GAN: variants seen among roughly 807,000 people sequenced by gnomAD.
The protein encoded by GAN is gigaxonin.
In GAN, 48 loss-of-function variants were observed where a neutral mutation model predicts 71.3. The ratio of observed to expected loss-of-function variants is 0.67; its 90% CI spans 0.53 to 0.86. GAN has a LOEUF of 0.86. GAN is among the 40% of genes least tolerant of loss of function. GAN has a pLI of 0.00. For missense variants in GAN, 928 were observed against 770.1 expected (o/e 1.21, Z -2.43); for synonymous variants, 386 against 276.8 (o/e 1.39, Z -3.92).
intron 5 of GAN, among the ~76,000 whole-genome samples, chr16:81,360,540 A>T (rs1597404708): frequency 1.3e-5 from 2 of 149,152 alleles, no homozygotes; most frequent in Admixed American, 1.3e-4. Context: ...TTTTCTCCTT[A>T]ACTCTGATTA....
chr16:81,332,168 AAAAAAAAAGAAAAAG>A (rs1165123552), intron 1 of GAN, among the ~76,000 whole-genome samples: 1 of 151,966 alleles, frequency 6.6e-6, no homozygotes, highest in Non-Finnish European at 1.5e-5. Flanking sequence ...TCTCAAAAAA[AAAAAAAAAGAAAAAG>A]AAAAAAAAGA....
At chr16:81,359,786 A>G (rs1273346507) in intron 5 of GAN, among the ~76,000 whole-genome samples, 1 of 152,226 alleles carries the variant, frequency 6.6e-6, no homozygotes, top group Non-Finnish European at 1.5e-5. Flanking sequence ...TACCCATGAT[A>G]AAGTTTAAGT....
At chr16:81,353,695 C>A (rs16955138) in intron 2 of GAN, among the ~76,000 whole-genome samples, 1 of 151,962 alleles carries the variant, frequency 6.6e-6, no homozygotes, top group African/African-American at 2.4e-5. Flanking sequence ...AGAACTGTTT[C>A]TTTCCTGATG....
chr16:81,329,166 T>C (rs1055524481), intron 1 of GAN, among the ~76,000 whole-genome samples: 7 of 152,162 alleles, frequency 4.6e-5, no homozygotes, highest in Non-Finnish European at 7.4e-5. Flanking sequence ...TCTCCTGTTG[T>C]TTGTTCTCTT....
chr16:81,332,594 C>G (rs1445126092), intron 1 of GAN, among the ~76,000 whole-genome samples: 4 of 152,208 alleles, frequency 2.6e-5, no homozygotes, highest in Non-Finnish European at 5.9e-5. Context: ...TGTGACCACT[C>G]TCTCCCAAGA....
chr16:81,335,222 G>A (rs79397331), intron 1 of GAN, among the ~76,000 whole-genome samples: 3,168 of 152,048 alleles, frequency 0.021, 59 homozygotes, highest in East Asian at 0.082. Context: ...GCATATGCTT[G>A]AACTGGATTT....
chr16:81,367,585 A>G (rs781442210), intron 9 of GAN, among the ~76,000 whole-genome samples: 3 of 152,212 alleles, frequency 2.0e-5, no homozygotes, highest in Non-Finnish European at 4.4e-5. Flanking sequence ...CCTTATTTCT[A>G]AGCTCTCTGA....
intron 1 of GAN, among the ~76,000 whole-genome samples, chr16:81,325,067 G>C (rs779650362): frequency 6.6e-6 from 1 of 151,272 alleles, no homozygotes; most frequent in African/African-American, 2.4e-5. Context: ...CCCAGGCACG[G>C]ATGCTCCCAG....
At chr16:81,355,533 G>T (rs960617705) in intron 3 of GAN, among the ~76,000 whole-genome samples, 1 of 152,084 alleles carries the variant, frequency 6.6e-6, no homozygotes, top group African/African-American at 2.4e-5. Flanking sequence ...CTAGCTAATT[G>T]TTTGATTTTT....
At chr16:81,342,840 C>A (rs1358825827) in intron 1 of GAN, among the ~76,000 whole-genome samples, 1 of 152,126 alleles carries the variant, frequency 6.6e-6, no homozygotes, top group Non-Finnish European at 1.5e-5. Context: ...AATCCAGGAA[C>A]TGGTTTTTTG....
At position 81,387,208 on chromosome 16, in the gene GAN, T is replaced by C. The variant is rs919967340; in HGVS notation, c.*9612T>C. Reference sequence around the variant, plus strand: ...AGTGTAATGGCTAAATGTAAAGTCTTACGTCTCGGTTCAAGAAAGCACGTT... The same window carrying C: ...AGTGTAATGGCTAAATGTAAAGTCTCACGTCTCGGTTCAAGAAAGCACGTT... On this transcript the variant is annotated 3_prime_UTR_variant, in exon 11 of 11. Coordinates refer to ENST00000648994, the MANE Select transcript of GAN (RefSeq NM_022041.4). 3 of 152,210 alleles carry C rather than the reference T, an allele frequency of 2.0e-5. No individual in the cohort carries two copies. Among genetic ancestry groups the C allele is most frequent in the Non-Finnish European group, 4.4e-5 (3 of 68,034 alleles). 9.4% of individuals were successfully genotyped at this position (152,210 alleles called of 1,614,324 possible).
At chr16:81,345,203 A>G (rs1271643504) in intron 1 of GAN, among the ~76,000 whole-genome samples, 3 of 152,214 alleles carry the variant, frequency 2.0e-5, no homozygotes, top group Non-Finnish European at 2.9e-5. Context: ...CGATTCCTCA[A>G]GGATCTAGAA....
intron 1 of GAN, among the ~76,000 whole-genome samples, chr16:81,317,153 G>A (rs8046116): frequency 2.0e-5 from 3 of 152,140 alleles, no homozygotes; most frequent in South Asian, 2.1e-4. Context: ...CGTGGCACCC[G>A]GCGGTGTTTT....
At chr16:81,330,568 G>A (rs1909542151) in intron 1 of GAN, among the ~76,000 whole-genome samples, 1 of 152,216 alleles carries the variant, frequency 6.6e-6, no homozygotes, top group Admixed American at 6.5e-5. Context: ...AGAGGAGACA[G>A]GTCTTTCTTA....
chr16:81,365,862 C>T (rs1291362750), intron 9 of GAN, among the ~76,000 whole-genome samples: 3 of 151,864 alleles, frequency 2.0e-5, no homozygotes, highest in African/African-American at 7.3e-5. Flanking sequence ...TTGCCTGGGC[C>T]ACATAACAAG....
In GAN at chr16:81,315,249, A is replaced by T; in HGVS notation, c.136A>T (p.Asn46Tyr). Residue 46 changes from asparagine to tyrosine, a missense_variant, in exon 1 of 11, where the codon AAC becomes TAC. Physicochemically the swap from Asn to Tyr is moderately radical, Grantham distance 143. Coordinates refer to ENST00000648994, the MANE Select transcript of GAN (RefSeq NM_022041.4). ...LDGEEIPVQK[N>Y]ILAAASPYIR... is the part of the protein sequence containing the mutation. ...CGGGGAGGAGATCCCGGTGCAGAAG[A>T]ACATCCTGGCGGCGGCCAGCCCGTA... 6.3e-7 allele frequency: 1 copy of T among 1,577,230 alleles called. No individual in the cohort carries two copies. Among genetic ancestry groups the T allele is most frequent in the Non-Finnish European group, 8.6e-7 (1 of 1,163,748 alleles).
intron 1 of GAN, among the ~76,000 whole-genome samples, chr16:81,323,358 C>G (rs1040993095): frequency 2.0e-5 from 3 of 152,148 alleles, no homozygotes; most frequent in Non-Finnish European, 4.4e-5. Flanking sequence ...TTTATCACCC[C>G]CTGAGTGGGG....
chr16:81,328,924 A>C (rs909568164), intron 1 of GAN, among the ~76,000 whole-genome samples: 2 of 152,228 alleles, frequency 1.3e-5, no homozygotes, highest in African/African-American at 4.8e-5. Flanking sequence ...AAAATATAAC[A>C]ACCATTTCTA....
chr16:81,330,258 A>G (rs1359883299), intron 1 of GAN, among the ~76,000 whole-genome samples: 1 of 150,200 alleles, frequency 6.7e-6, no homozygotes, highest in Non-Finnish European at 1.5e-5. Flanking sequence ...TAATCGGATA[A>G]TGTTTAAAAC....
Sources: gnomAD v4.1 joint callset for allele counts (sites outside exome capture counted in the v4.1 genomes callset) on GRCh38, gnomAD v4.1.1 for gene constraint, MANE v1.5 for transcripts, NCBI Gene and HGNC (gene_info 2026-07-23, HGNC 2026-07-21) for gene names.